Variants in RAB8B observed in about 807,000 individuals in gnomAD.
RAB8B encodes the protein ras-related protein Rab-8B.
In RAB8B, 11 loss-of-function variants were observed where a neutral mutation model predicts 32.0. The observed-to-expected ratio is 0.34, with a 90% CI of 0.22 to 0.57. The LOEUF is 0.57. Among genes scored for constraint, RAB8B ranks in the 20% least tolerant of loss-of-function variants. The probability of loss-of-function intolerance (pLI) is 0.86; values close to 1 mark genes in which losing one functional copy is unlikely to be tolerated. For synonymous variants in RAB8B, 103 were observed against 89.6 expected (o/e 1.15, Z -0.85); for missense variants, 190 against 258.5 (o/e 0.73, Z 1.82).
chr15:63,196,191 C>A (rs1340915258), intron 1 of RAB8B, among the ~76,000 whole-genome samples: 1 of 152,170 alleles, frequency 6.6e-6, no homozygotes, highest in East Asian at 1.9e-4. Flanking sequence ...AGGGCCATTA[C>A]AATAAGGGCC....
chr15:63,265,867 C>T lies in RAB8B; in HGVS notation c.*2248C>T, dbSNP rs1054577994. 2.0e-5 allele frequency: 3 copies of T among 152,464 alleles called. No individual in the cohort carries two copies. Among genetic ancestry groups the T allele is most frequent in the African/African-American group, 4.8e-5 (2 of 41,394 alleles). 9.4% of individuals were successfully genotyped at this position (152,464 alleles called of 1,614,324 possible). ...AAGAGCCTGTAAAAGTTAGATGAGT[C>T]TAAAAGTGCTCTTTGAAGTAGCAGC... On this transcript the variant is annotated 3_prime_UTR_variant, in exon 8 of 8. Coordinates refer to ENST00000321437, the MANE Select transcript of RAB8B (RefSeq NM_016530.3). This position sits in a 1 kb window ranked among gnomAD's most constrained non-coding sequence, Gnocchi z 4.9.
intron 1 of RAB8B, among the ~76,000 whole-genome samples, chr15:63,217,632 T>G (rs941163095): frequency 2.0e-5 from 3 of 152,268 alleles, no homozygotes; most frequent in Non-Finnish European, 4.4e-5. Flanking sequence ...TATAAAATGC[T>G]CATTGTGCAA....
At chr15:63,238,485 A>G (rs1476565110) in intron 1 of RAB8B, among the ~76,000 whole-genome samples, 1 of 152,180 alleles carries the variant, frequency 6.6e-6, no homozygotes, top group African/African-American at 2.4e-5. Context: ...GCTGAACACT[A>G]CATGAAATTG....
chr15:63,197,250 T>A (rs920517143), intron 1 of RAB8B, among the ~76,000 whole-genome samples: 2 of 151,570 alleles, frequency 1.3e-5, no homozygotes, highest in East Asian at 3.8e-4. Flanking sequence ...TGGTTATGTT[T>A]TATTCTCATC....
rs924937207 is a variant in RAB8B, at chr15:63,259,310, G to A, written c.415-317G>A. Among the ~76,000 whole-genome samples the A allele has an allele frequency of 2.0e-5, 3 of 151,874 alleles. No homozygotes were observed. Among genetic ancestry groups the A allele is most frequent in the South Asian group, 4.2e-4 (2 of 4,818 alleles). On this transcript the variant is annotated intron_variant, in intron 5 of 7. Transcript: ENST00000321437. This position sits in a 1 kb window ranked among gnomAD's most constrained non-coding sequence, Gnocchi z 4.4. Reference sequence around the variant, plus strand: ...AATTTTTTGTATTTTTAGTAGAGGCGGGGTTTCATCATGTTAGCAAGGAGG... The same window carrying A: ...AATTTTTTGTATTTTTAGTAGAGGCAGGGTTTCATCATGTTAGCAAGGAGG...
intron 1 of RAB8B, among the ~76,000 whole-genome samples, chr15:63,205,173 A>G (rs2134264): frequency 0.94 from 142,766 of 152,260 alleles, 67,062 homozygotes; most frequent in South Asian, 0.98. Flanking sequence ...GATGGTGGGC[A>G]CCTGTAATCC....
intron 1 of RAB8B, among the ~76,000 whole-genome samples, chr15:63,202,647 A>G (rs1380809428): frequency 2.0e-5 from 3 of 152,206 alleles, no homozygotes; most frequent in Admixed American, 6.5e-5. Flanking sequence ...GCCTTAGACT[A>G]CTAAGTGCTA....
intron 1 of RAB8B, among the ~76,000 whole-genome samples, chr15:63,198,749 T>C (rs1429646815): frequency 2.0e-5 from 3 of 152,246 alleles, no homozygotes; most frequent in Admixed American, 1.3e-4. Context: ...TGAAGATATA[T>C]GGTCAAGTTT....
intron 1 of RAB8B, among the ~76,000 whole-genome samples, chr15:63,240,636 TG>T (rs1332697530): frequency 6.6e-6 from 1 of 152,118 alleles, no homozygotes; most frequent in Non-Finnish European, 1.5e-5. Flanking sequence ...AATTTGACTT[TG>T]TTCTGCAGCC....
intron 2 of RAB8B, among the ~76,000 whole-genome samples, chr15:63,247,329 C>G (rs2038079885): frequency 6.6e-6 from 1 of 152,192 alleles, no homozygotes; most frequent in African/African-American, 2.4e-5. Context: ...AACTATTAGT[C>G]CTTAGGATGT....
chr15:63,222,378 C>A (rs139328559), intron 1 of RAB8B, among the ~76,000 whole-genome samples: 1 of 152,296 alleles, frequency 6.6e-6, no homozygotes, highest in African/African-American at 2.4e-5. Flanking sequence ...TTACCATCCC[C>A]AATATGGTTT....
At chr15:63,238,006 G>A (rs1022020345) in intron 1 of RAB8B, among the ~76,000 whole-genome samples, 9 of 151,732 alleles carry the variant, frequency 5.9e-5, no homozygotes, top group Admixed American at 1.3e-4. Context: ...TTCCCCCAAT[G>A]TATGTACTTG....
chr15:63,228,403 T>C (rs1189091319), intron 1 of RAB8B, among the ~76,000 whole-genome samples: 1 of 152,206 alleles, frequency 6.6e-6, no homozygotes, highest in Non-Finnish European at 1.5e-5. Flanking sequence ...TAATAAATTA[T>C]GATATGGCAA....
chr15:63,190,087 C>T (rs1472336641), intron 1 of RAB8B, among the ~76,000 whole-genome samples: 2 of 149,246 alleles, frequency 1.3e-5, no homozygotes, highest in Admixed American at 6.8e-5. Context: ...GGGGGGAAGA[C>T]TCAGGAAATC....
Position 63,263,967 on chromosome 15 carries a change from A to G in RAB8B, c.*348A>G, listed in dbSNP as rs1459456134. 5.5e-6 allele frequency: 1 copy of G among 181,574 alleles called. No individual in the cohort carries two copies. The highest frequency in any genetic ancestry group is 2.4e-5 in the African/African-American group (1 of 42,314). The allele number at this position is 181,574 out of a possible 1,614,324, so 11.2% of individuals were successfully genotyped here. ...CACAATCTTAGACTCATATTTGCAC[A>G]CTTTTGTGTCGTGAAGTTCTAGACA... On this transcript the variant is annotated 3_prime_UTR_variant, in exon 8 of 8. Coordinates refer to ENST00000321437, the MANE Select transcript of RAB8B (RefSeq NM_016530.3).
chr15:63,245,998 G>A (rs1314833438), intron 2 of RAB8B, among the ~76,000 whole-genome samples: 4 of 152,070 alleles, frequency 2.6e-5, no homozygotes, highest in African/African-American at 9.7e-5. Context: ...TCAGCTTCCT[G>A]AGTAGCTGGG....
At chr15:63,201,546 A>G (rs571486588) in intron 1 of RAB8B, among the ~76,000 whole-genome samples, 3 of 152,318 alleles carry the variant, frequency 2.0e-5, no homozygotes, top group African/African-American at 7.2e-5. Flanking sequence ...ACCTTATTCA[A>G]GAGTCTGGAC....
At position 63,249,533 on chromosome 15, in the gene RAB8B, C is replaced by G; in HGVS notation, c.186-112C>G. ...CCTCTGTGTCTCATTCTCCTTTCCT[C>G]TGTGACCACTGCACCCTGAGCAGAC... On this transcript the variant is annotated intron_variant, in intron 2 of 7. Coordinates refer to ENST00000321437, the MANE Select transcript of RAB8B (RefSeq NM_016530.3). 3 of 957,746 alleles carry G rather than the reference C, an allele frequency of 3.1e-6. No homozygotes were observed. The South Asian group carries it at 4.6e-5, about 15-fold the overall frequency. 59.3% of individuals were successfully genotyped at this position (957,746 alleles called of 1,614,324 possible). A position where few individuals can be genotyped will look rare whatever the true frequency, so the allele number is the denominator to read the frequency against.
intron 1 of RAB8B, among the ~76,000 whole-genome samples, chr15:63,229,365 T>C (rs1467918848): frequency 2.0e-5 from 3 of 152,250 alleles, no homozygotes; most frequent in Non-Finnish European, 2.9e-5. Flanking sequence ...CGGTATCTTA[T>C]GTGTCAGTCA....
Sources: gnomAD v4.1 joint callset for allele counts (sites outside exome capture counted in the v4.1 genomes callset) on GRCh38, gnomAD v4.1.1 for gene constraint, Gnocchi (gnomAD v3.1) non-coding constraint, MANE v1.5 for transcripts, NCBI Gene and HGNC (gene_info 2026-07-23, HGNC 2026-07-21) for gene names.